Variants in MAP3K7CL observed in about 807,000 individuals in gnomAD.
The protein encoded by MAP3K7CL is MAP3K7 C-terminal-like protein.
Under a neutral mutation model 18.6 loss-of-function variants are expected in MAP3K7CL, and 16 were observed. The ratio of observed to expected loss-of-function variants is 0.86; its 90% CI spans 0.58 to 1.31. MAP3K7CL has a LOEUF of 1.31. MAP3K7CL is among the 50% of genes most tolerant of loss of function. The pLI is 0.00. For synonymous variants in MAP3K7CL, 65 were observed against 66.8 expected (o/e 0.97, Z 0.13); for missense variants, 163 against 174.4 (o/e 0.93, Z 0.37).
At position 29,136,936 on chromosome 21, in the gene MAP3K7CL, A is replaced by G. The variant is rs537334361; in HGVS notation, c.70+3522A>G. Among the ~76,000 whole-genome samples, 59 of 137,866 alleles carry G rather than the reference A, an allele frequency of 4.3e-4. 1 individual carries two copies. The South Asian group carries it at 0.013, about 29-fold the overall frequency. 90.4% of individuals were successfully genotyped at this position (137,866 alleles called of 152,430 possible). A position where few individuals can be genotyped will look rare whatever the true frequency, so the allele number is the denominator to read the frequency against. On this transcript the variant is annotated intron_variant, in intron 2 of 4. Transcript: ENST00000399928. ...GTTAAGGATATGGCTTTACAGCCAGAGAGGCATGATTTCTAGACCTACCTC... is the reference window on the plus strand; with the variant it reads ...GTTAAGGATATGGCTTTACAGCCAGGGAGGCATGATTTCTAGACCTACCTC...
intron 2 of MAP3K7CL, among the ~76,000 whole-genome samples, chr21:29,135,375 T>A (rs1050961087): frequency 1.3e-5 from 2 of 151,602 alleles, no homozygotes; most frequent in African/African-American, 4.8e-5. Flanking sequence ...GGAAGGAAAA[T>A]GTATAATTTC....
chr21:29,169,236 C>A (rs1024000891), intron 4 of MAP3K7CL, among the ~76,000 whole-genome samples: 1 of 152,194 alleles, frequency 6.6e-6, no homozygotes, highest in East Asian at 1.9e-4. Context: ...AGTCTGACTT[C>A]CTCCTGCACG....
intron 4 of MAP3K7CL, among the ~76,000 whole-genome samples, chr21:29,120,950 C>T (rs757631053): frequency 3.3e-5 from 5 of 150,862 alleles, no homozygotes; most frequent in East Asian, 1.9e-4. Flanking sequence ...CCTGTAGTTC[C>T]GGCTACTTGG....
At chr21:29,156,326 T>A (rs1568966778) in intron 3 of MAP3K7CL, among the ~76,000 whole-genome samples, 1 of 152,264 alleles carries the variant, frequency 6.6e-6, no homozygotes, top group African/African-American at 2.4e-5. Flanking sequence ...AGATGTTTTC[T>A]CATCTAGTTA....
At chr21:29,155,404 T>A (rs2087377156) in intron 3 of MAP3K7CL, among the ~76,000 whole-genome samples, 1 of 152,202 alleles carries the variant, frequency 6.6e-6, no homozygotes, top group Non-Finnish European at 1.5e-5. Context: ...CCAGTAGTAT[T>A]CGCAGAAGCC....
At chr21:29,162,020 T>C (rs1431170147) in intron 4 of MAP3K7CL, among the ~76,000 whole-genome samples, 1 of 152,250 alleles carries the variant, frequency 6.6e-6, no homozygotes, top group Non-Finnish European at 1.5e-5. Flanking sequence ...TATTTTCTTT[T>C]TGTTCTAAGA....
intron 4 of MAP3K7CL, among the ~76,000 whole-genome samples, chr21:29,164,469 T>C (rs2087634596): frequency 6.6e-6 from 1 of 152,264 alleles, no homozygotes; most frequent in Non-Finnish European, 1.5e-5. Context: ...AGTTTTTCTT[T>C]ATTGGAGTCG....
intron 4 of MAP3K7CL, among the ~76,000 whole-genome samples, chr21:29,095,395 T>A (rs1247041905): frequency 6.6e-6 from 1 of 152,176 alleles, no homozygotes; most frequent in Admixed American, 6.5e-5. Context: ...TTGCCTGTTC[T>A]GCATGTCATC....
intron 4 of MAP3K7CL, among the ~76,000 whole-genome samples, chr21:29,115,175 A>G (rs2898160): frequency 0.45 from 68,085 of 152,022 alleles, 15,458 homozygotes; most frequent in East Asian, 0.64. Context: ...GTAGGGCTCT[A>G]GATCCCACTC....
upstream of MAP3K7CL, among the ~76,000 whole-genome samples, chr21:29,082,936 C>CT (rs923619702): frequency 2.7e-4 from 40 of 147,048 alleles, no homozygotes; most frequent in Admixed American, 4.1e-4. Flanking sequence ...TTTCACTGAG[C>CT]TTTTTTTTTT....
chr21:29,093,156 G>A (rs1448908882), intron 4 of MAP3K7CL, among the ~76,000 whole-genome samples: 3 of 152,170 alleles, frequency 2.0e-5, no homozygotes, highest in African/African-American at 7.2e-5. Flanking sequence ...CGCCCGCCTC[G>A]TCCTCCCAAA....
intron 4 of MAP3K7CL, among the ~76,000 whole-genome samples, chr21:29,096,906 A>C (rs1341904848): frequency 1.3e-5 from 2 of 152,186 alleles, no homozygotes; most frequent in Non-Finnish European, 2.9e-5. Flanking sequence ...GAGTATGATT[A>C]CAGGTAGTTC....
chr21:29,155,757 G>A (rs2087388417), intron 3 of MAP3K7CL, among the ~76,000 whole-genome samples: 1 of 152,176 alleles, frequency 6.6e-6, no homozygotes, highest in South Asian at 2.1e-4. Context: ...GGGAGGAGGC[G>A]GAGATGGAGG....
At chr21:29,088,103 A>C (rs748013543) in intron 1 of MAP3K7CL, among the ~76,000 whole-genome samples, 2 of 152,188 alleles carry the variant, frequency 1.3e-5, no homozygotes, top group Non-Finnish European at 2.9e-5. Flanking sequence ...AAAGCTCCAA[A>C]GTGTATGTCT....
chr21:29,132,690 G>C (rs1177580754), intron 1 of MAP3K7CL, among the ~76,000 whole-genome samples: 1 of 151,854 alleles, frequency 6.6e-6, no homozygotes, highest in Non-Finnish European at 1.5e-5. Flanking sequence ...TTGAATTTTT[G>C]ATAGAGATGG....
intron 3 of MAP3K7CL, among the ~76,000 whole-genome samples, chr21:29,156,362 T>C (rs2087404557): frequency 6.6e-6 from 1 of 152,230 alleles, no homozygotes; most frequent in Non-Finnish European, 1.5e-5. Flanking sequence ...TTAAGTTATT[T>C]TACAGTTTTT....
chr21:29,149,323 G>C, intron 3 of MAP3K7CL, 73 bp downstream of exon 3: 2 of 1,339,448 alleles, frequency 1.5e-6, no homozygotes, highest in Non-Finnish European at 1.1e-6. Context: ...GCAGAGAGTG[G>C]CCTGACTAGG....
At chr21:29,087,654 C>T (rs1424588268) in intron 1 of MAP3K7CL, among the ~76,000 whole-genome samples, 3 of 144,676 alleles carry the variant, frequency 2.1e-5, no homozygotes, top group Non-Finnish European at 4.5e-5. Context: ...AGTGCAGCGG[C>T]GCGATCTCCG....
chr21:29,109,805 T>C (rs940784271), intron 4 of MAP3K7CL: 6 of 985,014 alleles, frequency 6.1e-6, no homozygotes, highest in Non-Finnish European at 7.2e-6. Context: ...TACGTTCTGC[T>C]GCTGCTTCTT....
Sources: gnomAD v4.1 joint callset for allele counts (sites outside exome capture counted in the v4.1 genomes callset) on GRCh38, gnomAD v4.1.1 for gene constraint, MANE v1.5 for transcripts, NCBI Gene and HGNC (gene_info 2026-07-23, HGNC 2026-07-21) for gene names.